Variants in CNKSR2 observed in about 807,000 individuals in gnomAD.
CNKSR2 encodes connector enhancer of kinase suppressor of Ras 2.
Under a neutral mutation model 84.4 loss-of-function variants are expected in CNKSR2, and 14 were observed. The ratio of observed to expected loss-of-function variants is 0.17; its 90% CI spans 0.11 to 0.26. The LOEUF is 0.26. CNKSR2 is among the 10% of genes least tolerant of loss of function. The probability of loss-of-function intolerance (pLI) is 1.00; values close to 1 mark genes in which losing one functional copy is unlikely to be tolerated. For synonymous variants in CNKSR2, 275 were observed against 277.9 expected, an observed-to-expected ratio of 0.99 and a Z score of 0.10; for missense variants, 485 against 771.2, an observed-to-expected ratio of 0.63 and a Z score of 4.40.
chrX:21,536,610 G>A (rs1413204844), intron 11 of CNKSR2, among the ~76,000 whole-genome samples: 1 of 109,844 alleles, frequency 9.1e-6, no homozygotes, highest in African/African-American at 3.3e-5. Context: ...TACATTATAT[G>A]AGTCCAGGAA....
chrX:21,541,676 G>A (rs761414787), intron 11 of CNKSR2, among the ~76,000 whole-genome samples: 3 of 111,674 alleles, frequency 2.7e-5, no homozygotes, highest in Non-Finnish European at 3.8e-5. Context: ...CCTGTTGAGC[G>A]TTCAGGTATG....
intron 9 of CNKSR2, among the ~76,000 whole-genome samples, chrX:21,518,668 T>G (rs1255560001): frequency 8.9e-6 from 1 of 111,790 alleles, no homozygotes; most frequent in Non-Finnish European, 1.9e-5. Context: ...AATTACGTCA[T>G]GTCATTCCTT....
chrX:21,445,806 C>T (rs2090846877), intron 4 of CNKSR2, among the ~76,000 whole-genome samples: 2 of 111,668 alleles, frequency 1.8e-5, no homozygotes. Context: ...GAATAGTATT[C>T]CATTGTGTAC....
At chrX:21,423,717 C>A (rs2090527904) in intron 1 of CNKSR2, 1 of 111,505 alleles carries the variant, frequency 9.0e-6, no homozygotes, top group Non-Finnish European at 1.9e-5. Flanking sequence ...TTTCCCCTTT[C>A]ATTCATTCAA....
At chrX:21,399,609 G>T (rs1457363214) in intron 1 of CNKSR2, among the ~76,000 whole-genome samples, 1 of 111,432 alleles carries the variant, frequency 9.0e-6, no homozygotes, top group African/African-American at 3.3e-5. Flanking sequence ...AAACCTCTTA[G>T]GATAGTGCAG....
chrX:21,454,658 T>A (rs1164881017), intron 4 of CNKSR2, among the ~76,000 whole-genome samples: 1 of 112,198 alleles, frequency 8.9e-6, no homozygotes, highest in Non-Finnish European at 1.9e-5. Context: ...AATTCCGACC[T>A]AAAAGGACGT....
intron 1 of CNKSR2, among the ~76,000 whole-genome samples, chrX:21,412,691 G>A (rs1450685866): frequency 1.8e-5 from 2 of 111,558 alleles, no homozygotes; most frequent in Non-Finnish European, 3.8e-5. Flanking sequence ...GGTGGACATA[G>A]CATTCGTAAT....
At position 21,633,332 on chromosome X, in the gene CNKSR2, C is replaced by A. The variant is rs1261444197; in HGVS notation, c.2693-15499C>A. On this transcript the variant is annotated intron_variant, in intron 20 of 21. Transcript: ENST00000379510. ...AAATACATATACTAAATAGGAATTC[C>A]AAAAAATTCTGACTTCAATAAAACA... 5.4e-5 allele frequency among the ~76,000 whole-genome samples: 6 copies of A among 111,194 alleles called. No individual in the cohort carries two copies. In the Admixed American group the frequency reaches 5.8e-4, roughly 11 times the overall value.
At chrX:21,530,630 ATGGCACTGTTTAGGG>A (rs761004243) in intron 10 of CNKSR2, among the ~76,000 whole-genome samples, 4 of 111,328 alleles carry the variant, frequency 3.6e-5, no homozygotes, top group African/African-American at 1.3e-4. Flanking sequence ...GCATTTATTC[ATGGCACTGTTTAGGG>A]TAACCAGAAA....
chrX:21,515,417 G>T (rs929398711), intron 8 of CNKSR2, among the ~76,000 whole-genome samples: 12 of 111,127 alleles, frequency 1.1e-4, no homozygotes, highest in Admixed American at 1.1e-3. Flanking sequence ...TGTTATCACT[G>T]TTGAGACCAT....
chrX:21,515,719 A>T (rs1337561292), intron 8 of CNKSR2, among the ~76,000 whole-genome samples: 2 of 111,891 alleles, frequency 1.8e-5, no homozygotes, highest in Admixed American at 1.9e-4. Flanking sequence ...AAGTAATTTT[A>T]ACAGGGGATG....
intron 1 of CNKSR2, among the ~76,000 whole-genome samples, chrX:21,414,265 A>T (rs940587085): frequency 9.0e-6 from 1 of 111,286 alleles, no homozygotes; most frequent in Non-Finnish European, 1.9e-5. Context: ...AAGCCATTTT[A>T]ACTGGGGTGA....
chrX:21,603,768 A>C lies in CNKSR2; in HGVS notation c.2044+2419A>C, dbSNP rs1400288780. 2.7e-5 allele frequency among the ~76,000 whole-genome samples: 3 copies of C among 112,425 alleles called. No homozygotes were observed. The East Asian group carries it at 8.4e-4, about 31-fold the overall frequency. ...TTCATGACATTATTTTCAGTCACACATAAGGTCTTTTTAAAGCCTTAATCA... is the reference window on the plus strand; with the variant it reads ...TTCATGACATTATTTTCAGTCACACCTAAGGTCTTTTTAAAGCCTTAATCA... On this transcript the variant is annotated intron_variant, in intron 18 of 21. Coordinates refer to ENST00000379510, the MANE Select transcript of CNKSR2 (RefSeq NM_014927.5).
intron 1 of CNKSR2, among the ~76,000 whole-genome samples, chrX:21,390,485 G>C (rs1040486357): frequency 1.8e-5 from 2 of 111,098 alleles, no homozygotes. Context: ...TAGAGAAGGA[G>C]GAAGAGAGCA....
At chrX:21,554,806 G>T (rs935631664) in intron 11 of CNKSR2, among the ~76,000 whole-genome samples, 2 of 111,064 alleles carry the variant, frequency 1.8e-5, no homozygotes, top group African/African-American at 3.3e-5. Flanking sequence ...ACATGCATAT[G>T]TCTTTATAAT....
intron 9 of CNKSR2, among the ~76,000 whole-genome samples, chrX:21,522,326 CT>C (rs773885545): frequency 2.5e-4 from 28 of 110,781 alleles, no homozygotes; most frequent in African/African-American, 9.1e-4. Flanking sequence ...TATTTCCCCC[CT>C]GGAAGGCAAA....
At chrX:21,650,017 C>T (rs1377586297) in intron 21 of CNKSR2, among the ~76,000 whole-genome samples, 2 of 111,330 alleles carry the variant, frequency 1.8e-5, no homozygotes, top group Non-Finnish European at 3.8e-5. Context: ...TACAGTGTGG[C>T]GATTCCTCAA....
chrX:21,524,359 T>C (rs780683874), intron 9 of CNKSR2, among the ~76,000 whole-genome samples: 2 of 111,327 alleles, frequency 1.8e-5, no homozygotes, highest in Non-Finnish European at 3.8e-5. Flanking sequence ...ATAATCAAAC[T>C]TGTTATGTAT....
intron 17 of CNKSR2, 118 bp from the exon 18 acceptor site, chrX:21,601,164 C>A: frequency 2.3e-6 from 1 of 430,534 alleles, no homozygotes; most frequent in Admixed American, 4.5e-5. Context: ...GCAAAGAACA[C>A]ATCTTATATG....
Sources: allele counts gnomAD v4.1 joint callset (sites outside exome capture counted in the v4.1 genomes callset), GRCh38; gene constraint gnomAD v4.1.1; transcripts MANE v1.5; gene names NCBI Gene and HGNC (gene_info 2026-07-23, HGNC 2026-07-21).